The following SGCD variants were observed in gnomAD, a reference collection of about 807,000 sequenced individuals.
SGCD encodes the protein delta-sarcoglycan.
In SGCD, 18 loss-of-function variants were observed where a neutral mutation model predicts 36.6. The ratio of observed to expected loss-of-function variants is 0.49; its 90% CI spans 0.34 to 0.73. The LOEUF is 0.73. SGCD is among the 30% of genes least tolerant of loss of function. SGCD has a pLI of 0.01. For synonymous variants in SGCD, 133 were observed against 130.6 expected (o/e 1.02, Z -0.12); for missense variants, 387 against 346.7 (o/e 1.12, Z -0.92).
intron 3 of SGCD, among the ~76,000 whole-genome samples, chr5:156,507,388 A>G (rs1490043556): frequency 1.3e-5 from 2 of 152,202 alleles, no homozygotes; most frequent in African/African-American, 4.8e-5. Context: ...CTCCCTTTAG[A>G]GCCTCCAGAA....
intron 1 of SGCD, among the ~76,000 whole-genome samples, chr5:156,087,348 T>G (rs1761122634): frequency 6.6e-6 from 1 of 152,112 alleles, no homozygotes; most frequent in African/African-American, 2.4e-5. Context: ...CATTAGAATA[T>G]CTAGTGCCAG....
intron 3 of SGCD, among the ~76,000 whole-genome samples, chr5:156,387,369 T>C (rs924325123): frequency 2.0e-5 from 3 of 152,174 alleles, no homozygotes; most frequent in African/African-American, 7.2e-5. Context: ...CCCTGGCAAA[T>C]GATTAATGTG....
chr5:156,683,646 A>G (rs765256876), intron 7 of SGCD, among the ~76,000 whole-genome samples: 2 of 152,216 alleles, frequency 1.3e-5, no homozygotes, highest in Non-Finnish European at 2.9e-5. Context: ...AGCAGTTACA[A>G]AGCATCTAAA....
At chr5:155,773,658 A>G in the SGCD span, among the ~76,000 whole-genome samples, 5 of 152,222 alleles carry the variant, frequency 3.3e-5, 1 homozygote, top group African/African-American at 1.2e-4. Flanking sequence ...TGCTAAGGAA[A>G]CTCTATTCTA....
At chr5:155,787,105 C>T in the SGCD span, among the ~76,000 whole-genome samples, 5 of 152,140 alleles carry the variant, frequency 3.3e-5, no homozygotes, top group Non-Finnish European at 7.4e-5. Flanking sequence ...GTGCCCTGGA[C>T]TTGGCAATGC....
At chr5:156,470,984 A>C (rs933913211) in intron 3 of SGCD, among the ~76,000 whole-genome samples, 1 of 152,164 alleles carries the variant, frequency 6.6e-6, no homozygotes, top group African/African-American at 2.4e-5. Flanking sequence ...TTGATGTTGA[A>C]TCTGAAGGAT....
the SGCD span, among the ~76,000 whole-genome samples, chr5:155,859,282 G>A: frequency 6.6e-6 from 1 of 151,874 alleles, no homozygotes; most frequent in African/African-American, 2.4e-5. Context: ...GTCTAGGCTG[G>A]TCTCAAACTC....
At chr5:156,588,442 A>T (rs568487858) in intron 4 of SGCD, among the ~76,000 whole-genome samples, 1 of 152,348 alleles carries the variant, frequency 6.6e-6, no homozygotes, top group Non-Finnish European at 1.5e-5. Flanking sequence ...TTTTACACCA[A>T]AACAGCAGAG....
chr5:156,604,955 A>G (rs1761365806), intron 6 of SGCD, among the ~76,000 whole-genome samples: 1 of 151,638 alleles, frequency 6.6e-6, no homozygotes, highest in African/African-American at 2.4e-5. Flanking sequence ...TAGCCTTCAT[A>G]TTAAGGGATT....
intron 3 of SGCD, among the ~76,000 whole-genome samples, chr5:156,401,707 A>T (rs537234929): frequency 3.9e-4 from 59 of 152,330 alleles, no homozygotes; most frequent in Non-Finnish European, 6.5e-4. Context: ...TAGCCCCTAC[A>T]GTCTAGTGAA....
intron 4 of SGCD, among the ~76,000 whole-genome samples, chr5:156,527,114 CT>C (rs1757677062): frequency 6.6e-6 from 1 of 152,136 alleles, no homozygotes; most frequent in African/African-American, 2.4e-5. Flanking sequence ...ATTAGAATCT[CT>C]TTTATTTGAA....
At chr5:156,172,309 CAAAA>C (rs768106277) in intron 3 of SGCD, among the ~76,000 whole-genome samples, 1 of 152,012 alleles carries the variant, frequency 6.6e-6, no homozygotes, top group Non-Finnish European at 1.5e-5. Context: ...AACAAACAAA[CAAAA>C]AACCCAAAAA....
At chr5:156,063,419 TC>T (rs1368646991) in intron 1 of SGCD, among the ~76,000 whole-genome samples, 1 of 100,544 alleles carries the variant, frequency 9.9e-6, no homozygotes. Context: ...CAATGCGGGC[TC>T]TTTTTTGGTT....
chr5:156,615,494 A>T (rs1761985598), intron 6 of SGCD, among the ~76,000 whole-genome samples: 1 of 152,110 alleles, frequency 6.6e-6, no homozygotes, highest in Non-Finnish European at 1.5e-5. Context: ...TTTTTTTAGG[A>T]CTACATGAGA....
intron 3 of SGCD, among the ~76,000 whole-genome samples, chr5:156,137,145 A>G (rs1024496732): frequency 1.3e-5 from 2 of 152,158 alleles, no homozygotes; most frequent in Non-Finnish European, 2.9e-5. Context: ...CACTAAGTGA[A>G]TTTCTCAAGG....
chr5:155,869,046 A>T (rs1269942635), upstream of SGCD, among the ~76,000 whole-genome samples: 1 of 152,158 alleles, frequency 6.6e-6, no homozygotes, highest in Non-Finnish European at 1.5e-5. Flanking sequence ...GAGGCTAAAA[A>T]CTCAGCTTGA....
chr5:156,606,835 T>C (rs1479748376), intron 6 of SGCD, among the ~76,000 whole-genome samples: 1 of 152,232 alleles, frequency 6.6e-6, no homozygotes, highest in African/African-American at 2.4e-5. Context: ...CACTCATGAT[T>C]TGGCTCTCTG....
intron 4 of SGCD, among the ~76,000 whole-genome samples, chr5:156,566,663 T>C (rs1406949595): frequency 1.3e-5 from 2 of 152,090 alleles, no homozygotes; most frequent in African/African-American, 4.8e-5. Flanking sequence ...TATAACACTA[T>C]TCTAAGTGAA....
intron 7 of SGCD, among the ~76,000 whole-genome samples, chr5:156,708,897 G>T (rs1754859652): frequency 6.6e-6 from 1 of 152,128 alleles, no homozygotes; most frequent in African/African-American, 2.4e-5. Flanking sequence ...TGAGCCTCTA[G>T]GGCAGTGAAT....
Sources: gnomAD v4.1 joint callset for allele counts (sites outside exome capture counted in the v4.1 genomes callset) on GRCh38, gnomAD v4.1.1 for gene constraint, MANE v1.5 for transcripts, NCBI Gene and HGNC (gene_info 2026-07-23, HGNC 2026-07-21) for gene names.